RPS6KA2: variants seen among roughly 807,000 people sequenced by gnomAD.
RPS6KA2 encodes ribosomal protein S6 kinase alpha-2.
RPS6KA2 carries 42 observed loss-of-function variants against 91.8 expected under a neutral mutation model. The observed-to-expected ratio is 0.46, with a 90% CI of 0.36 to 0.59. The LOEUF (loss-of-function observed/expected upper bound fraction) is 0.59. RPS6KA2 is among the 20% of genes least tolerant of loss of function. RPS6KA2 has a pLI of 0.00. For missense variants in RPS6KA2, 798 were observed against 978.5 expected, an observed-to-expected ratio of 0.82 and a Z score of 2.46; for synonymous variants, 414 against 393.6, an observed-to-expected ratio of 1.05 and a Z score of -0.61.
chr6:166,810,921 T>C (rs1436904658), intron 2 of RPS6KA2, among the ~76,000 whole-genome samples: 1 of 152,090 alleles, frequency 6.6e-6, no homozygotes, highest in Non-Finnish European at 1.5e-5. Flanking sequence ...CATGAGACAG[T>C]GACAACTTCA....
chr6:166,658,545 C>A (rs1428093583), intron 2 of RPS6KA2, among the ~76,000 whole-genome samples: 1 of 152,172 alleles, frequency 6.6e-6, no homozygotes, highest in African/African-American at 2.4e-5. Context: ...AAACCACGCA[C>A]TGAAAACTTT....
At chr6:166,850,139 C>T (rs1436273914) in intron 2 of RPS6KA2, among the ~76,000 whole-genome samples, 1 of 152,234 alleles carries the variant, frequency 6.6e-6, no homozygotes, top group East Asian at 1.9e-4. Flanking sequence ...TTATGACTCA[C>T]ATAAATTGCA....
chr6:166,858,771 G>A (rs1188466165), intron 1 of RPS6KA2, among the ~76,000 whole-genome samples: 1 of 152,242 alleles, frequency 6.6e-6, no homozygotes, highest in Non-Finnish European at 1.5e-5. Flanking sequence ...AAGTGTTTCT[G>A]TGGTTGGCAC....
chr6:166,860,340 C>T (rs1781016567), intron 1 of RPS6KA2, among the ~76,000 whole-genome samples: 1 of 152,184 alleles, frequency 6.6e-6, no homozygotes, highest in African/African-American at 2.4e-5. Context: ...ATCCAATTTT[C>T]CTCAAAACCT....
rs939427441 is a variant in RPS6KA2, at chr6:166,770,769, T to A, written c.123+87431A>T. ...TGGACTCCGGGCACCGTGAAACAAC[T>A]CAATAAATTGAAAAAGACTTCATGT... is the stretch of plus-strand genomic sequence containing the variant. On this transcript the variant is annotated intron_variant, in intron 2 of 21. Coordinates refer to the RPS6KA2 transcript ENST00000503859. This position sits in a 1 kb window ranked among gnomAD's most constrained non-coding sequence, Gnocchi z 5.1. 8.0e-7 allele frequency: 1 copy of A among 1,253,424 alleles called. No individual in the cohort carries two copies. Among genetic ancestry groups the A allele is most frequent in the African/African-American group, 1.5e-5 (1 of 66,484 alleles). 77.6% of individuals were successfully genotyped at this position (1,253,424 alleles called of 1,614,324 possible).
At chr6:166,804,180 A>AAT (rs397721004) in intron 2 of RPS6KA2, among the ~76,000 whole-genome samples, 4 of 151,990 alleles carry the variant, frequency 2.6e-5, no homozygotes, top group Non-Finnish European at 4.4e-5. Context: ...TAAAAAAAAA[A>AAT]TACTTAACTA....
intron 2 of RPS6KA2, among the ~76,000 whole-genome samples, chr6:166,790,886 C>A (rs958918739): frequency 3.9e-5 from 6 of 152,134 alleles, no homozygotes; most frequent in Non-Finnish European, 7.4e-5. Context: ...AAAGGAACAA[C>A]CGGTACCAGC....
rs1780770065 is a variant in RPS6KA2, at chr6:166,852,495, C to A, written c.123+5705G>T. 6.6e-6 allele frequency among the ~76,000 whole-genome samples: 1 copy of A among 152,222 alleles called. No individual in the cohort carries two copies. The highest frequency in any genetic ancestry group is 1.5e-5 in the Non-Finnish European group (1 of 68,032). Reference sequence around the variant, plus strand: ...TGCAGAGACATGAGAGGCAACGTGGCCGCACAGGCGGTTTAGCCTGTCCCG... The same window carrying A: ...TGCAGAGACATGAGAGGCAACGTGGACGCACAGGCGGTTTAGCCTGTCCCG... On this transcript the variant is annotated intron_variant, in intron 2 of 21. Coordinates refer to the RPS6KA2 transcript ENST00000503859. The surrounding 1 kb of genome is among the most constrained non-coding windows in gnomAD (Gnocchi z 4.1).
chr6:166,550,158 AT>A (rs1783951526), intron 1 of RPS6KA2, among the ~76,000 whole-genome samples: 1 of 152,158 alleles, frequency 6.6e-6, no homozygotes, highest in Non-Finnish European at 1.5e-5. Context: ...TAAATGATTA[AT>A]TTTCTCCCCT....
chr6:166,773,475 C>T (rs1162196491), intron 2 of RPS6KA2, among the ~76,000 whole-genome samples: 2 of 152,052 alleles, frequency 1.3e-5, no homozygotes, highest in Non-Finnish European at 2.9e-5. Flanking sequence ...AGTCTTGGCT[C>T]ACTGCAACCT....
chr6:166,862,339 G>A (rs1373082407), exon 1 of RPS6KA2: 7 of 1,464,502 alleles, frequency 4.8e-6, no homozygotes, highest in Non-Finnish European at 6.3e-6. Context: ...AGAGGAGGTC[G>A]TGAGCGCGGG....
chr6:166,711,579 T>C (rs931519662), intron 2 of RPS6KA2, among the ~76,000 whole-genome samples: 1 of 151,546 alleles, frequency 6.6e-6, no homozygotes, highest in Non-Finnish European at 1.5e-5. Context: ...CAAATGGAAG[T>C]TTTAGACATG....
intron 2 of RPS6KA2, among the ~76,000 whole-genome samples, chr6:166,779,982 A>G (rs191093956): frequency 2.2e-4 from 33 of 152,290 alleles, no homozygotes; most frequent in Admixed American, 1.1e-3. Flanking sequence ...ATATTTTAAA[A>G]AGTGCCAAGA....
At chr6:166,504,731 G>T in intron 5 of RPS6KA2, 119 bp from the exon 6 acceptor site, 1 of 646,330 alleles carries the variant, frequency 1.5e-6, no homozygotes, top group Non-Finnish European at 2.6e-6. Flanking sequence ...TTTGCTCTGT[G>T]GAACGCTATG....
intron 12 of RPS6KA2, among the ~76,000 whole-genome samples, chr6:166,454,884 A>C (rs1188159726): frequency 6.7e-6 from 1 of 150,360 alleles, no homozygotes; most frequent in African/African-American, 2.4e-5. Context: ...ATAGATTAAT[A>C]TATTAAAATA....
intron 2 of RPS6KA2, among the ~76,000 whole-genome samples, chr6:166,802,993 A>C (rs1475299081): frequency 6.6e-6 from 1 of 151,564 alleles, no homozygotes; most frequent in East Asian, 1.9e-4. Flanking sequence ...AATTAGACTA[A>C]TTTTTAAAGT....
intron 1 of RPS6KA2, among the ~76,000 whole-genome samples, chr6:166,559,370 G>T (rs1784273082): frequency 6.6e-6 from 1 of 152,140 alleles, no homozygotes; most frequent in Admixed American, 6.5e-5. Flanking sequence ...TGTCAGTGTT[G>T]CCTCATCCTT....
chr6:166,579,226 T>A (rs1214804463), intron 1 of RPS6KA2, among the ~76,000 whole-genome samples: 2 of 152,108 alleles, frequency 1.3e-5, no homozygotes, highest in African/African-American at 4.8e-5. Flanking sequence ...TGCATTCAGC[T>A]TTTTTTGAGT....
chr6:166,593,194 T>C (rs1429649586), intron 1 of RPS6KA2, among the ~76,000 whole-genome samples: 3 of 152,210 alleles, frequency 2.0e-5, no homozygotes, highest in African/African-American at 7.2e-5. Flanking sequence ...ACATATACTT[T>C]TGGATTCTAA....
Sources: allele counts gnomAD v4.1 joint callset (sites outside exome capture counted in the v4.1 genomes callset), GRCh38; gene constraint gnomAD v4.1.1; non-coding constraint Gnocchi (gnomAD v3.1); transcripts MANE v1.5; gene names NCBI Gene and HGNC (gene_info 2026-07-23, HGNC 2026-07-21).